Variants in MYCBP2 observed in about 807,000 individuals in gnomAD.
The protein encoded by MYCBP2 is E3 ubiquitin-protein ligase MYCBP2.
A neutral mutation model predicts 525.3 loss-of-function variants in MYCBP2; 120 were observed. The ratio of observed to expected loss-of-function variants is 0.23; its 90% CI spans 0.20 to 0.27. The LOEUF is 0.27. Among genes scored for constraint, MYCBP2 ranks in the 10% least tolerant of loss-of-function variants. MYCBP2 has a pLI of 1.00. For missense variants in MYCBP2, 4,149 were observed against 5,657.1 expected, an observed-to-expected ratio of 0.73 and a Z score of 8.55; for synonymous variants, 1,894 against 1,955.8, an observed-to-expected ratio of 0.97 and a Z score of 0.83.
chr13:77,100,597 T>C (rs1367894529), intron 55 of MYCBP2, among the ~76,000 whole-genome samples: 3 of 152,020 alleles, frequency 2.0e-5, no homozygotes, highest in African/African-American at 4.8e-5. Flanking sequence ...AATTACATGG[T>C]GAAATAATAG....
At chr13:77,296,761 G>A in intron 1 of MYCBP2, 87 bp from the exon 2 acceptor site, 2 of 1,041,288 alleles carry the variant, frequency 1.9e-6, no homozygotes, top group Non-Finnish European at 2.6e-6. Context: ...TTCCAAAGTA[G>A]ACATTTGGAT....
chr13:77,296,926 A>C (rs189788419), intron 1 of MYCBP2, among the ~76,000 whole-genome samples: 18 of 152,346 alleles, frequency 1.2e-4, no homozygotes, highest in Non-Finnish European at 2.5e-4. Context: ...TTCTGCAAAA[A>C]CATAAACTTA....
intron 46 of MYCBP2, among the ~76,000 whole-genome samples, chr13:77,154,894 G>T (rs922207982): frequency 6.6e-6 from 1 of 151,988 alleles, no homozygotes; most frequent in Non-Finnish European, 1.5e-5. Context: ...AGTTTGTGAA[G>T]GGTATGACTT....
chr13:77,151,340 A>T (rs531416218), intron 46 of MYCBP2, among the ~76,000 whole-genome samples: 2 of 152,226 alleles, frequency 1.3e-5, no homozygotes, highest in Non-Finnish European at 2.9e-5. Flanking sequence ...GCACATTTTA[A>T]AGCACTAATG....
At position 77,287,740 on chromosome 13, in the gene MYCBP2, C is replaced by T. The variant is rs2077035380; in HGVS notation, c.594+421G>A. Among the ~76,000 whole-genome samples, 3 of 152,268 alleles carry T rather than the reference C, an allele frequency of 2.0e-5. No individual in the cohort carries two copies. In the South Asian group the frequency reaches 6.2e-4, roughly 32 times the overall value. On this transcript the variant is annotated intron_variant, in intron 3 of 82. Coordinates refer to ENST00000544440, the MANE Select transcript of MYCBP2 (RefSeq NM_015057.5). ...GAAAAATAAAAACGCATACCTGCAT[C>T]CCAGGTGAGGAGCACCTCCCAGCTT...
intron 17 of MYCBP2, among the ~76,000 whole-genome samples, chr13:77,239,765 T>C (rs1180300263): frequency 6.6e-6 from 1 of 152,120 alleles, no homozygotes; most frequent in Non-Finnish European, 1.5e-5. Flanking sequence ...TTGAGAACCA[T>C]GGCCAGAAAG....
At chr13:77,103,992 T>C (rs1024996246) in intron 55 of MYCBP2, among the ~76,000 whole-genome samples, 2 of 152,118 alleles carry the variant, frequency 1.3e-5, no homozygotes, top group African/African-American at 2.4e-5. Context: ...TGATTTACTA[T>C]GCAGGAAAAT....
In MYCBP2 at chr13:77,326,500, G is replaced by T; in HGVS notation, c.276C>A (p.Gly92=). The T allele has an allele frequency of 6.3e-7, 1 of 1,585,892 alleles. No homozygotes were observed. The highest frequency in any genetic ancestry group is 1.1e-5 in the South Asian group (1 of 89,574). ...TAALNDRDQG[G]GSAGHPASRN... is the part of the protein sequence containing the mutation. ...TGGAGGCTGGGTGTCCAGCGCTGCC[G>T]CCCCCCTGGTCCCTGTCATTGAGCG... Residue 92 remains glycine (G), a synonymous_variant, in exon 1 of 83, where the codon GGC becomes GGA. Coordinates refer to ENST00000544440, the MANE Select transcript of MYCBP2 (RefSeq NM_015057.5). The surrounding 1 kb of genome is among the most constrained non-coding windows in gnomAD (Gnocchi z 4.2).
chr13:77,243,198 A>G (rs753810487), intron 16 of MYCBP2, 38 bp from the exon 17 acceptor site: 2 of 1,380,332 alleles, frequency 1.4e-6, no homozygotes, highest in Non-Finnish European at 2.1e-6. Context: ...ACAACAACAT[A>G]TATGTTATAT....
chr13:77,101,445 G>A (rs1378741127), intron 55 of MYCBP2, among the ~76,000 whole-genome samples: 1 of 152,026 alleles, frequency 6.6e-6, no homozygotes, highest in Non-Finnish European at 1.5e-5. Context: ...ACAATGGTAG[G>A]TTATTTACTC....
chr13:77,167,387 G>A (rs1273115244), intron 40 of MYCBP2, among the ~76,000 whole-genome samples: 1 of 152,142 alleles, frequency 6.6e-6, no homozygotes, highest in Non-Finnish European at 1.5e-5. Context: ...GACTGCAAGA[G>A]GGGTGTCTGA....
chr13:77,144,141 G>A (rs1353978273), intron 49 of MYCBP2: 2 of 334,940 alleles, frequency 6.0e-6, no homozygotes, highest in African/African-American at 4.2e-5. Flanking sequence ...GAGAGGCACA[G>A]ACACACCCAC....
chr13:77,241,195 T>C (rs973642899), intron 17 of MYCBP2, among the ~76,000 whole-genome samples: 1 of 152,210 alleles, frequency 6.6e-6, no homozygotes, highest in Non-Finnish European at 1.5e-5. Flanking sequence ...GGCAAAAGAA[T>C]ATTCTGCAAT....
rs1375379087 is a variant in MYCBP2 at position 77,058,444 on chromosome 13, A to G, written c.13141-38T>C. 4 of 1,487,824 alleles carry G rather than the reference A, an allele frequency of 2.7e-6. No homozygotes were observed. The highest frequency in any genetic ancestry group is 1.3e-5 in the South Asian group (1 of 74,640). The allele number at this position is 1,487,824 out of a possible 1,614,324, so 92.2% of individuals were successfully genotyped here. A position where few individuals can be genotyped will look rare whatever the true frequency, so the allele number is the denominator to read the frequency against. On this transcript the variant is annotated intron_variant, in intron 77 of 82. Coordinates refer to ENST00000544440, the MANE Select transcript of MYCBP2 (RefSeq NM_015057.5). This position sits in a 1 kb window ranked among gnomAD's most constrained non-coding sequence, Gnocchi z 4.1. ...AATTACAATGTTACACAAGTATGTA[A>G]AAAAGCACACATTCTGGTAATTTTC...
At chr13:77,152,375 C>A (rs1260349635) in intron 46 of MYCBP2, among the ~76,000 whole-genome samples, 1 of 152,054 alleles carries the variant, frequency 6.6e-6, no homozygotes, top group Non-Finnish European at 1.5e-5. Flanking sequence ...AAACTTTAAA[C>A]AATTAAAAAA....
chr13:77,056,933 A>C (rs1458796991), intron 79 of MYCBP2, 53 bp downstream of exon 79: 1 of 1,377,024 alleles, frequency 7.3e-7, no homozygotes. Flanking sequence ...TTGAAAGGTG[A>C]AAAGAAAGAA....
intron 1 of MYCBP2, among the ~76,000 whole-genome samples, chr13:77,322,021 A>T (rs1463675506): frequency 1.3e-5 from 2 of 152,164 alleles, no homozygotes; most frequent in Non-Finnish European, 2.9e-5. Flanking sequence ...CAAGCCAGGC[A>T]TGGTGGTGCA....
At chr13:77,241,991 T>C (rs1431028239) in intron 17 of MYCBP2, among the ~76,000 whole-genome samples, 1 of 152,144 alleles carries the variant, frequency 6.6e-6, no homozygotes, top group Non-Finnish European at 1.5e-5. Context: ...AATAAAATCA[T>C]AGACTTCCAT....
In MYCBP2 at chr13:77,166,511, T is replaced by C. The variant is rs1209238856; in HGVS notation, c.6158A>G (p.Asp2053Gly). 6.2e-7 allele frequency: 1 copy of C among 1,613,394 alleles called. No homozygotes were observed. Among genetic ancestry groups the C allele is most frequent in the Admixed American group, 1.7e-5 (1 of 59,906 alleles). ...TGACTGTGCAGTACCACACTGAGGG[T>C]CAAATTCGATTGTCATCCACCTCAC... ...ECVRWMTIEF[D>G]PQCGTAQSED... is the part of the protein sequence containing the mutation. The change falls in exon 41 of 83, where the codon GAC becomes GGC. Residue 2053 changes from aspartate (D) to glycine (G), a missense_variant. This residue lies in a region of MYCBP2 where 692 missense variants were observed against 852.7 expected (regional missense o/e 0.81). Transcript: ENST00000544440.
Sources: gnomAD v4.1 joint callset for allele counts (sites outside exome capture counted in the v4.1 genomes callset) on GRCh38, gnomAD v4.1.1 for gene constraint, gnomAD v4.1.1 regional missense constraint, Gnocchi (gnomAD v3.1) non-coding constraint, MANE v1.5 for transcripts, NCBI Gene and HGNC (gene_info 2026-07-23, HGNC 2026-07-21) for gene names.